Variants in ABL2 observed in about 807,000 individuals in gnomAD.
The protein encoded by ABL2 is ABL proto-oncogene 2, non-receptor tyrosine kinase.
In ABL2, 49 loss-of-function variants were observed where a neutral mutation model predicts 107.7. The ratio of observed to expected loss-of-function variants is 0.45; its 90% CI spans 0.36 to 0.58. The LOEUF is 0.58. Ranked by LOEUF, ABL2 falls within the 20% of genes least tolerant of loss-of-function variation. The pLI is 0.00. For missense variants in ABL2, 1,245 were observed against 1,457.0 expected (o/e 0.85, Z 2.37); for synonymous variants, 549 against 548.6 (o/e 1.00, Z -0.01).
intron 1 of ABL2, among the ~76,000 whole-genome samples, chr1:179,218,015 G>A (rs1407865864): frequency 6.6e-6 from 1 of 152,102 alleles, no homozygotes; most frequent in Non-Finnish European, 1.5e-5. Context: ...AGCAACGAGG[G>A]TTTTATGAGT....
chr1:179,132,318 A>C (rs576972558), intron 2 of ABL2, among the ~76,000 whole-genome samples: 13 of 152,316 alleles, frequency 8.5e-5, no homozygotes, highest in African/African-American at 2.6e-4. Flanking sequence ...AAATTTATTC[A>C]TAGTACATAG....
chr1:179,135,857 C>T lies in ABL2; in HGVS notation c.158-2483G>A, dbSNP rs529606136. Among the ~76,000 whole-genome samples, 204 of 147,720 alleles carry T rather than the reference C, an allele frequency of 1.4e-3. 5 individuals are homozygous for T. The highest frequency in any genetic ancestry group is 2.4e-3 in the Non-Finnish European group (162 of 66,328). ...GGGGTCAGCCCCCAGCCTGGCCAGCCGCCCCGTCCAGGAGGTGAGGGGGCG... is the reference window on the plus strand; with the variant it reads ...GGGGTCAGCCCCCAGCCTGGCCAGCTGCCCCGTCCAGGAGGTGAGGGGGCG... On this transcript the variant is annotated intron_variant, in intron 1 of 11. Transcript: ENST00000502732.
intron 1 of ABL2, among the ~76,000 whole-genome samples, chr1:179,141,493 A>C (rs1657585834): frequency 6.6e-6 from 1 of 152,208 alleles, no homozygotes; most frequent in Non-Finnish European, 1.5e-5. Context: ...ATTTTATGTA[A>C]ATTTAGAAGA....
chr1:179,126,747 A>G lies in ABL2; in HGVS notation c.392-75T>C. On this transcript the variant is annotated intron_variant, in intron 3 of 11. Transcript: ENST00000502732. This position sits in a 1 kb window ranked among gnomAD's most constrained non-coding sequence, Gnocchi z 4.4. ...TTCAACTGAAGCAGTGTACTGTCAA[A>G]CTTTAAACTCATTAAAAAAAAAAAA... 3 of 1,362,708 alleles carry G rather than the reference A, an allele frequency of 2.2e-6. No homozygotes were observed. The highest frequency in any genetic ancestry group is 2.9e-6 in the Non-Finnish European group (3 of 1,017,462). The allele number at this position is 1,362,708 out of a possible 1,614,324, so 84.4% of individuals were successfully genotyped here.
At chr1:179,122,663 C>CT (rs1036603355) in intron 4 of ABL2, among the ~76,000 whole-genome samples, 14 of 149,516 alleles carry the variant, frequency 9.4e-5, no homozygotes, top group African/African-American at 2.7e-4. Flanking sequence ...TTCTTTTTTT[C>CT]TTTTTTTTGA....
chr1:179,133,136 C>T (rs776482381), intron 2 of ABL2, among the ~76,000 whole-genome samples, 176 bp downstream of exon 2: 10 of 152,142 alleles, frequency 6.6e-5, no homozygotes, highest in Admixed American at 2.6e-4. Context: ...GGATTACAAA[C>T]GTGAGCCACC....
At chr1:179,148,496 A>G (rs190926154) in intron 1 of ABL2, among the ~76,000 whole-genome samples, 1 of 152,342 alleles carries the variant, frequency 6.6e-6, no homozygotes, top group African/African-American at 2.4e-5. Flanking sequence ...TTGGGGCGCC[A>G]CAAACTGCGC....
In ABL2 at chr1:179,137,088, TAAAA is replaced by T. The variant is rs373720496; in HGVS notation, c.158-3718_158-3715del. On this transcript the variant is annotated intron_variant, in intron 1 of 11. Coordinates refer to ENST00000502732, the MANE Select transcript of ABL2 (RefSeq NM_007314.4). ...ATTTTGTTTTACATTATGATAAACT[TAAAA>T]AAAGTTCTGATATCATGGAAAGTTA... 8.5e-5 allele frequency among the ~76,000 whole-genome samples: 13 copies of T among 152,196 alleles called. No homozygotes were observed. In the South Asian group the frequency reaches 2.5e-3, roughly 29 times the overall value.
Position 179,136,709 on chromosome 1 carries a change from AAAATAAATAAATAAAT to A in ABL2, c.158-3351_158-3336del, listed in dbSNP as rs201779575. Reference sequence around the variant, plus strand: ...AGAAACACCCAAGAATGATCAATAAAAAATAAATAAATAAATAAATAAATAAATAAATAAAAATAAA... The same window carrying A: ...AGAAACACCCAAGAATGATCAATAAAAAATAAATAAATAAATAAAAATAAA... On this transcript the variant is annotated intron_variant, in intron 1 of 11. Transcript: ENST00000502732. 5.8e-4 allele frequency among the ~76,000 whole-genome samples: 82 copies of A among 140,690 alleles called. No homozygotes were observed. In the East Asian group the frequency reaches 0.017, roughly 29 times the overall value. The allele number at this position is 140,690 out of a possible 152,430, so 92.3% of individuals were successfully genotyped here. A position where few individuals can be genotyped will look rare whatever the true frequency, so the allele number is the denominator to read the frequency against.
rs1161355678 is a variant in ABL2 at position 179,174,895 on chromosome 1, CA to C, written c.158-41522del. On this transcript the variant is annotated intron_variant, in intron 1 of 11. Coordinates refer to ENST00000502732, the MANE Select transcript of ABL2 (RefSeq NM_007314.4). ...GGGTGACAGAGCAGAGACTCTGTCT[CA>C]AAAAAAAAAAAATAAAATAAAAAAA... Among the ~76,000 whole-genome samples, 21 of 33,688 alleles carry C rather than the reference CA, an allele frequency of 6.2e-4. 1 individual carries two copies. Among genetic ancestry groups the C allele is most frequent in the East Asian group, 3.3e-3 (2 of 612 alleles). The allele number at this position is 33,688 out of a possible 152,430, so 22.1% of individuals were successfully genotyped here. A position where few individuals can be genotyped will look rare whatever the true frequency, so the allele number is the denominator to read the frequency against.
intron 9 of ABL2, among the ~76,000 whole-genome samples, chr1:179,113,134 G>C (rs1344740942): frequency 4.6e-5 from 7 of 152,114 alleles, no homozygotes; most frequent in African/African-American, 1.7e-4. Flanking sequence ...GGTTGCTTTT[G>C]AACTCCTGAG....
At chr1:179,149,459 G>A (rs1304078062) in intron 1 of ABL2, among the ~76,000 whole-genome samples, 1 of 152,214 alleles carries the variant, frequency 6.6e-6, no homozygotes. Flanking sequence ...GATGAATGTG[G>A]CCACACTAAA....
chr1:179,134,374 C>T (rs1311964445), intron 1 of ABL2, among the ~76,000 whole-genome samples: 5 of 152,078 alleles, frequency 3.3e-5, no homozygotes, highest in Non-Finnish European at 5.9e-5. Context: ...AGTGAAAAAC[C>T]CCATCTCTAT....
At chr1:179,177,534 A>G (rs1161126391) in intron 1 of ABL2, among the ~76,000 whole-genome samples, 1 of 152,240 alleles carries the variant, frequency 6.6e-6, no homozygotes, top group African/African-American at 2.4e-5. Context: ...AAGAAACAGT[A>G]GATTAAGGAA....
At chr1:179,180,492 A>C (rs1275333725) in intron 1 of ABL2, among the ~76,000 whole-genome samples, 1 of 152,134 alleles carries the variant, frequency 6.6e-6, no homozygotes, top group Non-Finnish European at 1.5e-5. Flanking sequence ...GCTAAGGCCT[A>C]CCACCTCTCT....
At chr1:179,114,116 G>T (rs1001402499) in intron 9 of ABL2, among the ~76,000 whole-genome samples, 1 of 152,038 alleles carries the variant, frequency 6.6e-6, no homozygotes, top group Non-Finnish European at 1.5e-5. Flanking sequence ...TTAGCCAGGC[G>T]TGGTGGCAGG....
At chr1:179,113,920 C>A (rs1175421198) in intron 9 of ABL2, among the ~76,000 whole-genome samples, 1 of 146,648 alleles carries the variant, frequency 6.8e-6, no homozygotes, top group East Asian at 2.0e-4. Flanking sequence ...GGCGACAGAG[C>A]GAGACTCCGT....
intron 1 of ABL2, among the ~76,000 whole-genome samples, chr1:179,200,122 C>T (rs1661580982): frequency 6.9e-6 from 1 of 145,652 alleles, no homozygotes; most frequent in Admixed American, 7.1e-5. Flanking sequence ...CCTTGGCTCA[C>T]TGCAACCTCC....
chr1:179,116,435 G>C (rs1347945554), intron 8 of ABL2, among the ~76,000 whole-genome samples: 1 of 152,048 alleles, frequency 6.6e-6, no homozygotes, highest in East Asian at 1.9e-4. Flanking sequence ...AGGATCATTA[G>C]CACTCCAATG....
Sources: gnomAD v4.1 joint callset for allele counts (sites outside exome capture counted in the v4.1 genomes callset) on GRCh38, gnomAD v4.1.1 for gene constraint, Gnocchi (gnomAD v3.1) non-coding constraint, MANE v1.5 for transcripts, NCBI Gene and HGNC (gene_info 2026-07-23, HGNC 2026-07-21) for gene names.